TUBB8B: variants seen among roughly 807,000 people sequenced by gnomAD.
The protein encoded by TUBB8B is tubulin beta 8B, also known as HSA18p11 beta-tubulin 4Q pseudogene.
TUBB8B carries 26 observed loss-of-function variants against 31.9 expected under a neutral mutation model. The observed-to-expected ratio is 0.81, with a 90% CI of 0.60 to 1.13. The LOEUF (loss-of-function observed/expected upper bound fraction) is 1.13. Ranked by LOEUF, TUBB8B falls within the 50% of genes most tolerant of loss-of-function variation. TUBB8B has a pLI of 0.00. For synonymous variants in TUBB8B, 173 were observed against 231.0 expected, an observed-to-expected ratio of 0.75 and a Z score of 2.28; for missense variants, 467 against 586.7, an observed-to-expected ratio of 0.80 and a Z score of 2.11.
chr18:47,582 G>A lies in TUBB8B; in HGVS notation c.1143C>T (p.Val381=), dbSNP rs780248651. Residue 381 remains valine (V), a synonymous_variant, in exon 4 of 4, where the codon GTC becomes GTT. Transcript: ENST00000308911. ...TGAACATTGCTGTAAACTGCTCTGA[G>A]ACACATGTGAAGAGTTCCTGGATGG... ...NAAIQELFTC[V]SEQFTAMFRR... is the part of the protein sequence containing the mutation. 1.6e-6 allele frequency: 2 copies of A among 1,279,038 alleles called. No individual in the cohort carries two copies. Among genetic ancestry groups the A allele is most frequent in the East Asian group, 2.3e-5 (1 of 43,872 alleles). The allele number at this position is 1,279,038 out of a possible 1,614,324, so 79.2% of individuals were successfully genotyped here.
the TUBB8B span, among the ~76,000 whole-genome samples, chr18:72,196 A>AAAAAAAAAAAAAAAAAGAAAAAAAAC: frequency 1.2e-5 from 1 of 84,536 alleles, no homozygotes; most frequent in Non-Finnish European, 2.4e-5. Context: ...AAAAAAAAAA[A>AAAAAAAAAAAAAAAAAGAAAAAAAAC]AAAGGAAAAA....
chr18:61,995 C>A, the TUBB8B span, among the ~76,000 whole-genome samples: 6 of 151,664 alleles, frequency 4.0e-5, no homozygotes, highest in Admixed American at 1.3e-4. Context: ...CTCAGAACTC[C>A]CTTTTGCATT....
the TUBB8B span, among the ~76,000 whole-genome samples, chr18:58,610 CAA>C: frequency 3.3e-5 from 5 of 151,714 alleles, 1 homozygote; most frequent in Non-Finnish European, 5.9e-5. Context: ...CAAAGCCATT[CAA>C]AGTTAAGAAA....
upstream of TUBB8B, among the ~76,000 whole-genome samples, chr18:51,843 G>GT (rs976982670): frequency 6.6e-6 from 1 of 151,930 alleles, no homozygotes; most frequent in Non-Finnish European, 1.5e-5. Flanking sequence ...ATGTGCAACT[G>GT]TGAGTCAATT....
At chr18:73,101 T>A in the TUBB8B span, among the ~76,000 whole-genome samples, 785 of 151,622 alleles carry the variant, frequency 5.2e-3, 8 homozygotes, top group Non-Finnish European at 9.0e-3. Flanking sequence ...CCTCTCCCGG[T>A]ACCAGGGTCT....
At chr18:69,975 G>C in the TUBB8B span, among the ~76,000 whole-genome samples, 1 of 152,096 alleles carries the variant, frequency 6.6e-6, no homozygotes, top group Non-Finnish European at 1.5e-5. Context: ...TGGCCAACAT[G>C]GCGAAACCCA....
At chr18:61,299 A>C in the TUBB8B span, among the ~76,000 whole-genome samples, 6 of 151,632 alleles carry the variant, frequency 4.0e-5, no homozygotes, top group African/African-American at 7.3e-5. Context: ...ATCGGCATGG[A>C]ATAACTTTTT....
At chr18:62,422 ATTT>A in the TUBB8B span, among the ~76,000 whole-genome samples, 5 of 139,162 alleles carry the variant, frequency 3.6e-5, no homozygotes, top group African/African-American at 7.9e-5. Context: ...TAAATGTTTA[ATTT>A]TTTTTTTTTT....
chr18:68,210 C>A, the TUBB8B span, among the ~76,000 whole-genome samples: 1 of 152,114 alleles, frequency 6.6e-6, no homozygotes, highest in Non-Finnish European at 1.5e-5. Flanking sequence ...AGGAATCTTG[C>A]AATAGCAGTG....
chr18:68,366 C>A, the TUBB8B span, among the ~76,000 whole-genome samples: 2 of 152,208 alleles, frequency 1.3e-5, no homozygotes, highest in South Asian at 4.1e-4. Context: ...AGGTCTCTAC[C>A]TGACAATCCA....
At chr18:63,671 C>G in the TUBB8B span, among the ~76,000 whole-genome samples, 4 of 147,992 alleles carry the variant, frequency 2.7e-5, no homozygotes, top group Non-Finnish European at 4.5e-5. Context: ...TAGCCTTAGC[C>G]CTAACCCTAA....
At chr18:68,784 C>T in the TUBB8B span, among the ~76,000 whole-genome samples, 1 of 150,728 alleles carries the variant, frequency 6.6e-6, no homozygotes, top group South Asian at 2.1e-4. Flanking sequence ...ACACTGTGTG[C>T]TCCTTCCTGC....
At chr18:54,772 G>C in the TUBB8B span, among the ~76,000 whole-genome samples, 3 of 151,816 alleles carry the variant, frequency 2.0e-5, no homozygotes, top group Non-Finnish European at 2.9e-5. Flanking sequence ...TCTCTATCCA[G>C]TCATCTGTTG....
the TUBB8B span, among the ~76,000 whole-genome samples, chr18:59,540 T>C: frequency 3.6e-5 from 5 of 137,974 alleles, no homozygotes; most frequent in African/African-American, 1.4e-4. Context: ...GATTTTGTCC[T>C]TCATTCTTTT....
At chr18:51,239 T>G (rs1209631007), upstream of TUBB8B, among the ~76,000 whole-genome samples, 1 of 151,910 alleles carries the variant, frequency 6.6e-6, no homozygotes, top group African/African-American at 2.4e-5. Context: ...CTCTCTTAAG[T>G]CTGGCCTGCT....
Position 47,651 on chromosome 18 carries a change from G to A in TUBB8B, c.1074C>T (p.Pro358=). Residue 358 remains proline (P), a synonymous_variant, in exon 4 of 4, where the codon CCC becomes CCT. Transcript: ENST00000308911. ...NVKTAVCDIP[P]RGLKMSATFI... ...AGGTGGCTGACATTTTTAGCCCCCG[G>A]GGTGGGATGTCACAGACGGCTGTTT... 4 of 1,612,558 alleles carry A rather than the reference G, an allele frequency of 2.5e-6. No homozygotes were observed. The highest frequency in any genetic ancestry group is 2.5e-6 in the Non-Finnish European group (3 of 1,179,398).
the TUBB8B span, among the ~76,000 whole-genome samples, chr18:70,368 C>T: frequency 1.6e-3 from 248 of 152,286 alleles, no homozygotes; most frequent in Middle Eastern, 0.017. Context: ...CATGGTGGCT[C>T]ATGCCTGTAA....
In TUBB8B at chr18:47,610, G is replaced by A. The variant is rs60908131; in HGVS notation, c.1115C>T (p.Ala372Val). The A allele has an allele frequency of 4.7e-3, 7,595 of 1,612,158 alleles. 110 individuals are homozygous for A. The African/African-American group carries it at 0.088, about 19-fold the overall frequency. Residue 372 changes from alanine (A) to valine (V), a missense_variant, in exon 4 of 4, where the codon GCG (alanine) becomes GTG (valine). Physicochemically the swap from Ala to Val is moderately conservative, Grantham distance 64 (BLOSUM62 0). This residue lies in a region of TUBB8B where 208 missense variants were observed against 206.7 expected (regional missense o/e 1.01). Transcript: ENST00000308911. ...ACATGTGAAGAGTTCCTGGATGGCC[G>A]CATTATTCCCAATGAAGGTGGCTGA... ...KMSATFIGNN[A>V]AIQELFTCVS...
At chr18:58,569 T>G in the TUBB8B span, among the ~76,000 whole-genome samples, 2 of 151,766 alleles carry the variant, frequency 1.3e-5, no homozygotes, top group Non-Finnish European at 2.9e-5. Flanking sequence ...AGCTCAGCCT[T>G]CACCGTCCAG....
Sources: allele counts gnomAD v4.1 joint callset (sites outside exome capture counted in the v4.1 genomes callset), GRCh38; gene constraint gnomAD v4.1.1; regional missense constraint gnomAD v4.1.1; transcripts MANE v1.5; gene names NCBI Gene and HGNC (gene_info 2026-07-23, HGNC 2026-07-21).